Variants in PRDM16 observed in about 807,000 individuals in gnomAD.
PRDM16 encodes the protein histone-lysine N-methyltransferase PRDM16.
PRDM16 carries 23 observed loss-of-function variants against 110.6 expected under a neutral mutation model. The observed-to-expected ratio is 0.21, with a 90% confidence interval of 0.15 to 0.29. The LOEUF (loss-of-function observed/expected upper bound fraction) is 0.29. PRDM16 is among the 10% of genes least tolerant of loss of function. The pLI, the probability that PRDM16 is intolerant of heterozygous loss-of-function variation, is 1.00. For synonymous variants in PRDM16, 799 were observed against 781.8 expected (o/e 1.02, Z -0.37); for missense variants, 1,615 against 1,794.3 (o/e 0.90, Z 1.81).
chr1:3,230,824 G>A (rs985030631), intron 2 of PRDM16, among the ~76,000 whole-genome samples: 1 of 152,240 alleles, frequency 6.6e-6, no homozygotes, highest in African/African-American at 2.4e-5. Context: ...GGCACCATGA[G>A]GCATTCGAAG....
chr1:3,126,899 C>T (rs1288192694), intron 1 of PRDM16, among the ~76,000 whole-genome samples: 2 of 152,314 alleles, frequency 1.3e-5, no homozygotes, highest in African/African-American at 4.8e-5. Flanking sequence ...GCTGTCTGTT[C>T]CGGCAAACTT....
At chr1:3,315,959 C>T (rs1641591122) in intron 3 of PRDM16, among the ~76,000 whole-genome samples, 1 of 152,048 alleles carries the variant, frequency 6.6e-6, no homozygotes, top group African/African-American at 2.4e-5. Flanking sequence ...AATGACATCT[C>T]AGGGGACAGT....
chr1:3,110,229 C>A (rs56798262), intron 1 of PRDM16, among the ~76,000 whole-genome samples: 59 of 104,382 alleles, frequency 5.7e-4, no homozygotes, highest in African/African-American at 1.8e-3. Flanking sequence ...GGGCTCCCCT[C>A]TGTCCTGGGT....
intron 3 of PRDM16, chr1:3,307,094 G>C (rs1641333458): frequency 6.6e-6 from 1 of 152,222 alleles, no homozygotes. Flanking sequence ...ATGGGCATTT[G>C]GGCTGTTTCT....
At chr1:3,093,251 G>A (rs767778452) in intron 1 of PRDM16, among the ~76,000 whole-genome samples, 9 of 152,124 alleles carry the variant, frequency 5.9e-5, no homozygotes, top group Non-Finnish European at 1.3e-4. Flanking sequence ...AGGCTAGCCC[G>A]ATGTCAGAGC....
intron 3 of PRDM16, among the ~76,000 whole-genome samples, chr1:3,313,183 C>A (rs969069593): frequency 2.0e-5 from 3 of 152,242 alleles, no homozygotes; most frequent in Non-Finnish European, 1.5e-5. Context: ...GCCGCCTCAT[C>A]CACAGGCCGG....
intron 3 of PRDM16, among the ~76,000 whole-genome samples, chr1:3,338,046 C>A (rs1197853682): frequency 6.6e-6 from 1 of 152,150 alleles, no homozygotes; most frequent in Non-Finnish European, 1.5e-5. Context: ...TATAGACATG[C>A]ACACACATTC....
At position 3,209,182 on chromosome 1, in the gene PRDM16, G is replaced by T. The variant is rs1191268824; in HGVS notation, c.387+22708G>T. On this transcript the variant is annotated intron_variant, in intron 2 of 16. Transcript: ENST00000270722. This position sits in a 1 kb window ranked among gnomAD's most constrained non-coding sequence, Gnocchi z 4.6. ...GGGAACATTTTGGTTCCAGGGGTAA[G>T]AAAAAATTAATCATTTATTTGGTAA... Among the ~76,000 whole-genome samples, 1 of 152,164 alleles carries T rather than the reference G, an allele frequency of 6.6e-6. No individual in the cohort carries two copies. The highest frequency in any genetic ancestry group is 6.5e-5 in the Admixed American group (1 of 15,284).
intron 1 of PRDM16, among the ~76,000 whole-genome samples, chr1:3,184,729 T>A (rs1277905337): frequency 6.6e-6 from 1 of 151,600 alleles, no homozygotes; most frequent in Non-Finnish European, 1.5e-5. Context: ...CCCACCCCAG[T>A]CCCCGAGATC....
At chr1:3,187,270 C>T (rs1039563468) in intron 2 of PRDM16, among the ~76,000 whole-genome samples, 2 of 152,206 alleles carry the variant, frequency 1.3e-5, no homozygotes, top group Non-Finnish European at 2.9e-5. Context: ...GCCGGCCTCA[C>T]GCAGCCAATT....
chr1:3,169,612 A>G lies in PRDM16; in HGVS notation c.38-16513A>G, dbSNP rs1333639310. 2.0e-5 allele frequency among the ~76,000 whole-genome samples: 3 copies of G among 152,154 alleles called. 1 individual carries two copies. The highest frequency in any genetic ancestry group is 4.4e-5 in the Non-Finnish European group (3 of 68,020). On this transcript the variant is annotated intron_variant, in intron 1 of 16. Transcript: ENST00000270722. ...GGCAGAGTATCCCTGTCACCTCCTC[A>G]ACAAAGAGGCTGACAGAGGAAAACA...
In PRDM16 at chr1:3,405,382, G is replaced by A. The variant is rs1183829273; in HGVS notation, c.1033-113G>A. 2.4e-6 allele frequency: 3 copies of A among 1,251,932 alleles called. No individual in the cohort carries two copies. In the African/African-American group the frequency reaches 4.6e-5, roughly 19 times the overall value. The allele number at this position is 1,251,932 out of a possible 1,614,324, so 77.6% of individuals were successfully genotyped here. A position where few individuals can be genotyped will look rare whatever the true frequency, so the allele number is the denominator to read the frequency against. ...GCCTGCTTGGTGCAGACTGCAACGT[G>A]GCAAGAGAGACAGGCAGGGCCCTGC... On this transcript the variant is annotated intron_variant, in intron 7 of 16. Transcript: ENST00000270722.
intron 1 of PRDM16, among the ~76,000 whole-genome samples, chr1:3,090,607 G>A (rs770792447): frequency 3.9e-5 from 6 of 152,196 alleles, no homozygotes; most frequent in African/African-American, 7.2e-5. Context: ...GCCCACGCCC[G>A]AGGGCTTCTC....
At chr1:3,160,061 C>T (rs1643886059) in intron 1 of PRDM16, among the ~76,000 whole-genome samples, 1 of 152,256 alleles carries the variant, frequency 6.6e-6, no homozygotes, top group Admixed American at 6.5e-5. Flanking sequence ...CTGAGATTCA[C>T]ACACTCAGTG....
In PRDM16 at chr1:3,317,619, G is replaced by C. The variant is rs368643740; in HGVS notation, c.439-67533G>C. On this transcript the variant is annotated intron_variant, in intron 3 of 16. Transcript: ENST00000270722. ...CGGATCCCTCCTGCCTCTTGGCTCC[G>C]CCCGGGCCTCTGAGCGGCCCTGGCC... is the stretch of plus-strand genomic sequence containing the variant. 3.9e-5 allele frequency among the ~76,000 whole-genome samples: 6 copies of C among 152,290 alleles called. No homozygotes were observed. In the South Asian group the frequency reaches 8.3e-4, roughly 21 times the overall value.
At chr1:3,374,284 A>G (rs1642956015) in intron 3 of PRDM16, among the ~76,000 whole-genome samples, 1 of 152,238 alleles carries the variant, frequency 6.6e-6, no homozygotes, top group Admixed American at 6.5e-5. Context: ...GAGCCAGGCA[A>G]CGGCACCCAG....
intron 2 of PRDM16, among the ~76,000 whole-genome samples, chr1:3,196,428 C>A (rs1356666955): frequency 6.6e-6 from 1 of 152,246 alleles, no homozygotes; most frequent in East Asian, 1.9e-4. Flanking sequence ...AAGCTGCTGT[C>A]CCCTTGTTTG....
At chr1:3,346,514 C>A (rs1367141001) in intron 3 of PRDM16, among the ~76,000 whole-genome samples, 3 of 152,196 alleles carry the variant, frequency 2.0e-5, no homozygotes, top group Non-Finnish European at 2.9e-5. Flanking sequence ...GCATACGTGG[C>A]CCTCCCGCCT....
intron 3 of PRDM16, among the ~76,000 whole-genome samples, chr1:3,384,150 C>T (rs1399666928): frequency 2.6e-5 from 4 of 152,180 alleles, no homozygotes; most frequent in African/African-American, 9.7e-5. Context: ...CACACCTGCC[C>T]ACCCATATGC....
Sources: gnomAD v4.1 joint callset for allele counts (sites outside exome capture counted in the v4.1 genomes callset) on GRCh38, gnomAD v4.1.1 for gene constraint, Gnocchi (gnomAD v3.1) non-coding constraint, MANE v1.5 for transcripts, NCBI Gene and HGNC (gene_info 2026-07-23, HGNC 2026-07-21) for gene names.